Variants in GNB1L observed in about 807,000 individuals in gnomAD.
The protein encoded by GNB1L is G protein subunit beta 1 like, also known as guanine nucleotide-binding protein subunit beta-like protein 1.
GNB1L carries 20 observed loss-of-function variants against 29.1 expected under a neutral mutation model. That is an observed-to-expected ratio of 0.69 (90% confidence interval 0.48 to 1.00). The LOEUF is 1.00. Ranked by LOEUF, GNB1L falls within the 50% of genes least tolerant of loss-of-function variation. The pLI, the probability that GNB1L is intolerant of heterozygous loss-of-function variation, is 0.00. For missense variants in GNB1L, 421 were observed against 464.9 expected (o/e 0.91, Z 0.87); for synonymous variants, 193 against 206.5 (o/e 0.93, Z 0.56).
At chr22:19,851,288 TG>T in intron 2 of GNB1L, 1 of 1,613,738 alleles carries the variant, frequency 6.2e-7, no homozygotes, top group Non-Finnish European at 8.5e-7. Flanking sequence ...CTCTGTTTTC[TG>T]GGGTTTTGGA....
At chr22:19,854,223 G>A (rs1427325500) in intron 2 of GNB1L, among the ~76,000 whole-genome samples, 3 of 152,198 alleles carry the variant, frequency 2.0e-5, no homozygotes, top group East Asian at 1.9e-4. Flanking sequence ...AAAGGGGCAG[G>A]TACCACGGCG....
intron 7 of GNB1L, among the ~76,000 whole-genome samples, chr22:19,800,540 C>T (rs907267237): frequency 1.3e-5 from 2 of 152,194 alleles, no homozygotes; most frequent in East Asian, 3.9e-4. Flanking sequence ...TGCCTCCCAG[C>T]GCCCAGAGCA....
intron 2 of GNB1L, among the ~76,000 whole-genome samples, chr22:19,838,369 G>A (rs779373144): frequency 7.2e-5 from 11 of 152,294 alleles, no homozygotes; most frequent in South Asian, 4.1e-4. Flanking sequence ...CCAAGTGCTG[G>A]CAATACTGTG....
At position 19,820,654 on chromosome 22, in the gene GNB1L, G is replaced by A. The variant is rs184782658; in HGVS notation, c.198C>T (p.His66=). ...TRRAVTTLDG[H]GGQCVTWLQT... The stretch of plus-strand genomic sequence containing the variant: ...GCAGCCAGGTCACACACTGGCCGCC[G>A]TGGCCATCCAGGGTGGTAACCGCTC... Residue 66 remains histidine (H), a synonymous_variant, in exon 4 of 8, where the codon CAC becomes CAT. Transcript: ENST00000329517. The A allele has an allele frequency of 1.9e-5, 30 of 1,613,436 alleles. No individual in the cohort carries two copies. The East Asian group carries it at 2.9e-4, about 16-fold the overall frequency.
At chr22:19,838,587 C>T (rs190067263) in intron 2 of GNB1L, among the ~76,000 whole-genome samples, 1 of 152,172 alleles carries the variant, frequency 6.6e-6, no homozygotes, top group East Asian at 1.9e-4. Context: ...TCTCCTGTCT[C>T]AGCCTCCTGG....
chr22:19,829,852 T>C (rs895949104), intron 2 of GNB1L, among the ~76,000 whole-genome samples: 2 of 152,118 alleles, frequency 1.3e-5, no homozygotes, highest in South Asian at 4.1e-4. Context: ...GTTAAATATA[T>C]ATATATATAT....
intron 6 of GNB1L, among the ~76,000 whole-genome samples, chr22:19,803,886 C>T (rs1937403156): frequency 6.6e-6 from 1 of 152,262 alleles, no homozygotes; most frequent in Non-Finnish European, 1.5e-5. Flanking sequence ...CACTTTCCTC[C>T]ACTGCAGGAG....
intron 2 of GNB1L, chr22:19,851,124 C>T (rs1938083840): frequency 6.5e-7 from 1 of 1,538,204 alleles, no homozygotes; most frequent in South Asian, 1.3e-5. Flanking sequence ...CCACACAGGC[C>T]ACTTCATCAT....
At chr22:19,808,623 G>C (rs558222673) in intron 5 of GNB1L, among the ~76,000 whole-genome samples, 2 of 152,218 alleles carry the variant, frequency 1.3e-5, no homozygotes, top group African/African-American at 4.8e-5. Context: ...CCAAGACGAG[G>C]TGCCACTGAG....
rs569408368 is a variant in GNB1L, at chr22:19,834,457, G to A, written c.-20-13082C>T. 3.3e-5 allele frequency among the ~76,000 whole-genome samples: 5 copies of A among 152,294 alleles called. No individual in the cohort carries two copies. In the East Asian group the frequency reaches 5.8e-4, roughly 18 times the overall value. ...ATGTGGAACTTCAAGAAGGTAGGAG[G>A]AGCAATGGTAAAATGCGGTTTTATC... is the stretch of plus-strand genomic sequence containing the variant. On this transcript the variant is annotated intron_variant, in intron 2 of 7. Transcript: ENST00000329517.
At chr22:19,809,363 C>T (rs1937472715) in intron 5 of GNB1L, among the ~76,000 whole-genome samples, 1 of 152,116 alleles carries the variant, frequency 6.6e-6, no homozygotes, top group East Asian at 1.9e-4. Flanking sequence ...AAAACCATCT[C>T]CCTTCTGGCT....
chr22:19,806,615 T>TG, intron 6 of GNB1L, 44 bp downstream of exon 6: 1 of 1,198,958 alleles, frequency 8.3e-7, no homozygotes, highest in Middle Eastern at 2.1e-4. Context: ...CTCATGGCCG[T>TG]GGGTGTGGCC....
intron 7 of GNB1L, chr22:19,792,280 T>C (rs1937260141): frequency 1.5e-6 from 1 of 686,116 alleles, no homozygotes; most frequent in African/African-American, 1.8e-5. Context: ...AGGAGCTCTC[T>C]CCCACCACCC....
intron 2 of GNB1L, among the ~76,000 whole-genome samples, chr22:19,835,385 A>C (rs35022980): frequency 0.18 from 27,494 of 149,518 alleles, 2,683 homozygotes; most frequent in South Asian, 0.3. Flanking sequence ...AAAAAAAAAA[A>C]AAACAAACAA....
Position 19,821,576 on chromosome 22 carries a change from G to A in GNB1L, c.-20-201C>T, listed in dbSNP as rs532173333. On this transcript the variant is annotated intron_variant, in intron 2 of 7. Coordinates refer to ENST00000329517, the MANE Select transcript of GNB1L (RefSeq NM_053004.3). The stretch of plus-strand genomic sequence containing the variant: ...CAGAGGCACCAGTTCCCTGCACGGC[G>A]GTGAGCCCAGCAGAGAGCACAGAGC... 6.6e-5 allele frequency among the ~76,000 whole-genome samples: 10 copies of A among 152,294 alleles called. No homozygotes were observed. The South Asian group carries it at 1.5e-3, about 22-fold the overall frequency.
Position 19,795,436 on chromosome 22 carries a change from A to G in GNB1L, c.733-6476T>C, listed in dbSNP as rs1026288469. On this transcript the variant is annotated intron_variant, in intron 7 of 7. Transcript: ENST00000329517. ...CTGGGTCAGGCTGACGGAAGGCTCC[A>G]CCCCACAACTGCGGAACACACGCTC... 4.1e-4 allele frequency among the ~76,000 whole-genome samples: 62 copies of G among 152,310 alleles called. 1 individual carries two copies. Among genetic ancestry groups the G allele is most frequent in the African/African-American group, 1.4e-3 (59 of 41,576 alleles).
chr22:19,824,872 C>G (rs1219547910), intron 2 of GNB1L, among the ~76,000 whole-genome samples: 1 of 152,268 alleles, frequency 6.6e-6, no homozygotes, highest in Non-Finnish European at 1.5e-5. Flanking sequence ...GGTCCCTACC[C>G]AAGACATTCT....
In GNB1L at chr22:19,802,214, G is replaced by A. The variant is rs545054042; in HGVS notation, c.519C>T (p.Ala173=). 6.8e-6 allele frequency: 11 copies of A among 1,611,972 alleles called. No individual in the cohort carries two copies. Among genetic ancestry groups the A allele is most frequent in the East Asian group, 6.7e-5 (3 of 44,890 alleles). ...GMPMCLRLWQ[A]DCSSRPLLLA... ...GAAGGAGTGGGCGGGAGCTGCAGTC[G>A]GCCTGCGGGGAACAGCAGAGCAGTC... The change falls in exon 7 of 8, where the codon GCC becomes GCT. Residue 173 remains alanine (A), a splice_region_variant and synonymous_variant. Coordinates refer to ENST00000329517, the MANE Select transcript of GNB1L (RefSeq NM_053004.3).
intron 2 of GNB1L, chr22:19,847,195 C>T: frequency 1.2e-5 from 12 of 985,466 alleles, no homozygotes; most frequent in Non-Finnish European, 1.4e-5. Flanking sequence ...AGGCTGTCGT[C>T]AGCACAGGTC....
Sources: gnomAD v4.1 joint callset for allele counts (sites outside exome capture counted in the v4.1 genomes callset) on GRCh38, gnomAD v4.1.1 for gene constraint, MANE v1.5 for transcripts, NCBI Gene and HGNC (gene_info 2026-07-23, HGNC 2026-07-21) for gene names.